DLEC1: variants seen among roughly 807,000 people sequenced by gnomAD.
The protein encoded by DLEC1 is deleted in lung and esophageal cancer protein 1.
Under a neutral mutation model 198.1 loss-of-function variants are expected in DLEC1, and 146 were observed. The observed-to-expected ratio is 0.74, with a 90% CI of 0.64 to 0.85. DLEC1 has a LOEUF of 0.85. Among genes scored for constraint, DLEC1 ranks in the 40% least tolerant of loss-of-function variants. The pLI, the probability that DLEC1 is intolerant of heterozygous loss-of-function variation, is 0.00. For missense variants in DLEC1, 2,233 were observed against 2,220.0 expected, an observed-to-expected ratio of 1.01 and a Z score of -0.12; for synonymous variants, 897 against 866.8, an observed-to-expected ratio of 1.03 and a Z score of -0.61.
chr3:38,114,110 T>TAAAA (rs35524280), intron 25 of DLEC1, among the ~76,000 whole-genome samples: 6 of 87,840 alleles, frequency 6.8e-5, no homozygotes, highest in East Asian at 3.2e-4. Context: ...CTGTGTCTAC[T>TAAAA]AAAAAAAAAA....
At chr3:38,111,886 C>T in intron 24 of DLEC1, 139 bp downstream of exon 24, 1 of 961,784 alleles carries the variant, frequency 1.0e-6, no homozygotes, top group Non-Finnish European at 1.5e-6. Flanking sequence ...CTCCACCTGA[C>T]AATGCCTCTT....
At chr3:38,081,861 T>A in intron 6 of DLEC1, among the ~76,000 whole-genome samples, 1 of 131,848 alleles carries the variant, frequency 7.6e-6, no homozygotes, top group African/African-American at 2.9e-5. Flanking sequence ...CCCACCTCCC[T>A]CCCGGATGGG....
At chr3:38,041,692 C>G (rs753865403) in intron 1 of DLEC1, among the ~76,000 whole-genome samples, 4 of 151,238 alleles carry the variant, frequency 2.6e-5, no homozygotes, top group Non-Finnish European at 5.9e-5. Flanking sequence ...ACTAAAAATA[C>G]CAAAAATTAG....
rs755652071 is a variant in DLEC1, at chr3:38,116,463, G to A, written c.3867G>A (p.Leu1289=). 6.2e-6 allele frequency: 10 copies of A among 1,613,958 alleles called. No homozygotes were observed. The highest frequency in any genetic ancestry group is 1.3e-5 in the African/African-American group (1 of 74,894). The stretch of plus-strand genomic sequence containing the variant: ...ACACATCTGCCCCAGACATCCGCCT[G>A]GATTGGGAGACCTATGTTCCAGAAG... ...LNNSSPCDIR[L]DWETYVPEDK... is the part of the protein sequence containing the mutation. The change falls in exon 28 of 37, where the codon CTG becomes CTA. Residue 1289 remains leucine, a synonymous_variant. Transcript: ENST00000308059.
chr3:38,076,134 A>C (rs1204178257), intron 6 of DLEC1, among the ~76,000 whole-genome samples: 1 of 152,090 alleles, frequency 6.6e-6, no homozygotes, highest in Non-Finnish European at 1.5e-5. Context: ...GAGAAGGGAG[A>C]GATTGAAGGG....
chr3:38,055,022 C>T (rs781549327), intron 2 of DLEC1, among the ~76,000 whole-genome samples: 2 of 152,188 alleles, frequency 1.3e-5, no homozygotes, highest in African/African-American at 4.8e-5. Flanking sequence ...TCAAAGAGAA[C>T]GTCTGGAAAT....
At chr3:38,059,948 G>GT in intron 3 of DLEC1, 96 bp downstream of exon 3, 3 of 1,009,052 alleles carry the variant, frequency 3.0e-6, no homozygotes, top group Non-Finnish European at 4.4e-6. Flanking sequence ...TTGCTCAGAG[G>GT]TTTTTTTCAC....
intron 7 of DLEC1, among the ~76,000 whole-genome samples, chr3:38,084,613 A>AGTAGTAGTGGTGGGG (rs1365059954): frequency 4.4e-5 from 1 of 22,582 alleles, no homozygotes; most frequent in Non-Finnish European, 9.5e-5. Flanking sequence ...CAGTAGCAGT[A>AGTAGTAGTGGTGGGG]GCAGTACTGC....
chr3:38,064,003 TTTTC>T (rs1696847175), intron 6 of DLEC1, 84 bp downstream of exon 6: 5 of 917,902 alleles, frequency 5.4e-6, no homozygotes, highest in Admixed American at 5.5e-5. Context: ...TTTCTTTTTT[TTTTC>T]TTTTTTTTTT....
At chr3:38,073,325 G>A (rs557366818) in intron 6 of DLEC1, among the ~76,000 whole-genome samples, 18 of 152,216 alleles carry the variant, frequency 1.2e-4, no homozygotes, top group Non-Finnish European at 2.5e-4. Context: ...ATTGTAAGGA[G>A]AGTTTTTAGG....
In DLEC1 at chr3:38,094,948, C is replaced by T; in HGVS notation, c.1989C>T (p.Thr663=). 1 of 1,614,198 alleles carries T rather than the reference C, an allele frequency of 6.2e-7. No individual in the cohort carries two copies. Among genetic ancestry groups the T allele is most frequent in the Non-Finnish European group, 8.5e-7 (1 of 1,180,026 alleles). ...TGCAGCCCCTCATGCCTGGAGAAAC[C>T]TTCAGCATGGACAGCATCAAGTGCT... ...PNLQPLMPGE[T]FSMDSIKCYP... is the part of the protein sequence containing the mutation. Residue 663 remains threonine, a synonymous_variant, in exon 13 of 37, where the codon ACC becomes ACT. Coordinates refer to ENST00000308059, the MANE Select transcript of DLEC1 (RefSeq NM_007335.4).
intron 9 of DLEC1, among the ~76,000 whole-genome samples, chr3:38,086,810 C>T (rs544803710): frequency 6.6e-6 from 1 of 152,310 alleles, no homozygotes; most frequent in Admixed American, 6.5e-5. Flanking sequence ...CGCAGTGGCT[C>T]ACACATGTAA....
intron 1 of DLEC1, among the ~76,000 whole-genome samples, chr3:38,044,614 G>A (rs1007378648): frequency 6.6e-6 from 1 of 152,216 alleles, no homozygotes; most frequent in African/African-American, 2.4e-5. Context: ...GGGTCTCACT[G>A]TGTTGCCCAG....
intron 14 of DLEC1, 58 bp from the exon 15 acceptor site, chr3:38,096,511 A>T: frequency 6.5e-7 from 1 of 1,548,232 alleles, no homozygotes; most frequent in Non-Finnish European, 8.7e-7. Context: ...AGGCAGGGAC[A>T]CTCTAGGATG....
At chr3:38,122,015 T>C (rs1359941497) in intron 35 of DLEC1, 56 bp from the exon 36 acceptor site, 55 of 1,600,468 alleles carry the variant, frequency 3.4e-5, no homozygotes, top group Non-Finnish European at 4.4e-5. Context: ...AAAGTCTTCC[T>C]GTGGGAGTAC....
In DLEC1 at chr3:38,116,771, A is replaced by G; in HGVS notation, c.4063-2A>G. The G allele has an allele frequency of 6.2e-7, 1 of 1,610,866 alleles. No homozygotes were observed. Among genetic ancestry groups the G allele is most frequent in the Admixed American group, 1.7e-5 (1 of 59,836 alleles). On this transcript the variant is annotated splice_acceptor_variant, in intron 28 of 36. Coordinates refer to ENST00000308059, the MANE Select transcript of DLEC1 (RefSeq NM_007335.4). LOFTEE classifies it high-confidence loss of function. ...TGAACCTCAGTGATTCCTTGGTGAC[A>G]GGTTGAGGGCAGCTCCAGTGCCAGC...
intron 6 of DLEC1, among the ~76,000 whole-genome samples, chr3:38,064,777 G>A (rs970980576): frequency 1.3e-5 from 2 of 151,660 alleles, no homozygotes; most frequent in South Asian, 2.1e-4. Flanking sequence ...CATCCCAGAC[G>A]ATGGGCGGCC....
At chr3:38,051,184 A>G (rs1701099452) in intron 2 of DLEC1, among the ~76,000 whole-genome samples, 1 of 152,220 alleles carries the variant, frequency 6.6e-6, no homozygotes, top group South Asian at 2.1e-4. Flanking sequence ...TACAGGCGTG[A>G]GCTACCTCAC....
intron 6 of DLEC1, among the ~76,000 whole-genome samples, chr3:38,075,281 A>C (rs1279254102): frequency 1.3e-5 from 2 of 152,206 alleles, no homozygotes; most frequent in Non-Finnish European, 2.9e-5. Flanking sequence ...AAGGCACCTC[A>C]GACCATTTGC....
Sources: gnomAD v4.1 joint callset for allele counts (sites outside exome capture counted in the v4.1 genomes callset) on GRCh38, gnomAD v4.1.1 for gene constraint, MANE v1.5 for transcripts, NCBI Gene and HGNC (gene_info 2026-07-23, HGNC 2026-07-21) for gene names.